LTBP1: variants seen among roughly 807,000 people sequenced by gnomAD.
LTBP1 encodes latent-transforming growth factor beta-binding protein 1.
In LTBP1, 129 loss-of-function variants were observed where a neutral mutation model predicts 207.6. That is an observed-to-expected ratio of 0.62 (90% confidence interval 0.54 to 0.72). The LOEUF (loss-of-function observed/expected upper bound fraction) is 0.72, where lower values mean the gene tolerates loss of function less well. Among genes scored for constraint, LTBP1 ranks in the 30% least tolerant of loss-of-function variants. The pLI, the probability that LTBP1 is intolerant of heterozygous loss-of-function variation, is 0.00. For missense variants in LTBP1, 2,281 were observed against 2,217.2 expected, an observed-to-expected ratio of 1.03 and a Z score of -0.58; for synonymous variants, 963 against 833.7, an observed-to-expected ratio of 1.16 and a Z score of -2.67.
chr2:33,081,858 T>C (rs1298019289), intron 3 of LTBP1, among the ~76,000 whole-genome samples: 1 of 152,132 alleles, frequency 6.6e-6, no homozygotes, highest in Non-Finnish European at 1.5e-5. Context: ...GCTTTTCCCC[T>C]CTGTGCTCGG....
At chr2:33,096,000 G>A (rs2079364778) in intron 3 of LTBP1, among the ~76,000 whole-genome samples, 1 of 152,010 alleles carries the variant, frequency 6.6e-6, no homozygotes, top group Non-Finnish European at 1.5e-5. Context: ...CAGATTAGGT[G>A]AAAAACATAA....
At chr2:33,107,361 C>T (rs1334930840) in intron 3 of LTBP1, among the ~76,000 whole-genome samples, 3 of 152,066 alleles carry the variant, frequency 2.0e-5, no homozygotes, top group Admixed American at 6.6e-5. Context: ...CAGGGTTTCT[C>T]GGTGCACTTT....
At chr2:33,229,646 AT>A (rs2149531902) in intron 9 of LTBP1, among the ~76,000 whole-genome samples, 1 of 152,324 alleles carries the variant, frequency 6.6e-6, no homozygotes, top group African/African-American at 2.4e-5. Context: ...TCTATTTTGT[AT>A]GTTAGAATGG....
At chr2:33,179,465 AC>A (rs1480835820) in intron 5 of LTBP1, among the ~76,000 whole-genome samples, 1 of 151,354 alleles carries the variant, frequency 6.6e-6, no homozygotes, top group African/African-American at 2.5e-5. Context: ...TAAAAAAAAA[AC>A]CAAAGAGATG....
At chr2:33,283,181 T>C (rs2093595475) in intron 19 of LTBP1, among the ~76,000 whole-genome samples, 1 of 151,506 alleles carries the variant, frequency 6.6e-6, no homozygotes, top group Non-Finnish European at 1.5e-5. Flanking sequence ...AAGTACAATA[T>C]ATAGGATGTC....
chr2:33,299,199 G>A (rs912617356), intron 20 of LTBP1, among the ~76,000 whole-genome samples: 4 of 149,078 alleles, frequency 2.7e-5, no homozygotes, highest in Non-Finnish European at 5.9e-5. Context: ...CCGAGATAGC[G>A]CCACTGCACT....
At chr2:33,174,441 A>G (rs1238109630) in intron 5 of LTBP1, among the ~76,000 whole-genome samples, 1 of 152,188 alleles carries the variant, frequency 6.6e-6, no homozygotes, top group East Asian at 1.9e-4. Context: ...TAGGAATCCA[A>G]CTTACAAGGG....
chr2:33,052,851 C>T (rs1001926048), intron 3 of LTBP1, among the ~76,000 whole-genome samples: 24 of 149,924 alleles, frequency 1.6e-4, no homozygotes, highest in Admixed American at 1.2e-3. Flanking sequence ...GGTTGACTCC[C>T]GGATCAAAAT....
chr2:33,064,233 AT>A (rs1233339417), intron 3 of LTBP1, among the ~76,000 whole-genome samples: 1 of 152,246 alleles, frequency 6.6e-6, no homozygotes, highest in African/African-American at 2.4e-5. Context: ...ATAGAAATAC[AT>A]TTAATTTATA....
Position 33,187,098 on chromosome 2 carries a change from C to A in LTBP1, c.1426+18C>A. The A allele has an allele frequency of 6.2e-7, 1 of 1,607,488 alleles. No individual in the cohort carries two copies. Among genetic ancestry groups the A allele is most frequent in the Non-Finnish European group, 8.5e-7 (1 of 1,174,904 alleles). On this transcript the variant is annotated intron_variant, in intron 6 of 33. Transcript: ENST00000404816. ...AGTCAAAGGTAAGCTTTTTTCATTCCGCCCATTTGCCAGACCTCTGTTAAC... is the reference window on the plus strand; with the variant it reads ...AGTCAAAGGTAAGCTTTTTTCATTCAGCCCATTTGCCAGACCTCTGTTAAC...
At chr2:33,331,791 C>A (rs1285658417) in intron 24 of LTBP1, among the ~76,000 whole-genome samples, 1 of 152,036 alleles carries the variant, frequency 6.6e-6, no homozygotes, top group African/African-American at 2.4e-5. Context: ...TGTAAGAAAA[C>A]TACATGTATG....
At chr2:33,220,003 G>C (rs1255621436) in intron 8 of LTBP1, among the ~76,000 whole-genome samples, 4 of 152,116 alleles carry the variant, frequency 2.6e-5, no homozygotes, top group African/African-American at 9.7e-5. Context: ...AGTTGAATGT[G>C]AAAGTGCAAA....
chr2:32,999,345 G>C (rs1175966772), intron 2 of LTBP1, among the ~76,000 whole-genome samples: 1 of 152,192 alleles, frequency 6.6e-6, no homozygotes, highest in Admixed American at 6.5e-5. Context: ...CCAAGGCCTT[G>C]CCTCCATCCA....
At chr2:32,984,960 A>AAAACAAAACC (rs1683321725) in intron 2 of LTBP1, among the ~76,000 whole-genome samples, 1 of 152,014 alleles carries the variant, frequency 6.6e-6, no homozygotes, top group South Asian at 2.1e-4. Context: ...AAAACAAAAC[A>AAAACAAAACC]AAACCAGTTA....
intron 5 of LTBP1, among the ~76,000 whole-genome samples, chr2:33,158,237 A>C (rs1438315910): frequency 2.6e-5 from 4 of 152,204 alleles, no homozygotes; most frequent in Non-Finnish European, 5.9e-5. Flanking sequence ...TGTTCAACAA[A>C]AGAATGAATA....
At chr2:32,978,666 A>AT (rs375742867) in intron 2 of LTBP1, among the ~76,000 whole-genome samples, 14,575 of 115,606 alleles carry the variant, frequency 0.13, 967 homozygotes, top group Non-Finnish European at 0.17. Flanking sequence ...TTTTTTTTTA[A>AT]TTTTTTTTTT....
intron 25 of LTBP1, 91 bp downstream of exon 25, chr2:33,343,054 T>C: frequency 7.3e-7 from 1 of 1,379,198 alleles, no homozygotes; most frequent in South Asian, 1.5e-5. Flanking sequence ...GCAGGTAATT[T>C]GGGTAGAGCT....
At chr2:33,200,464 C>G (rs539964306) in intron 7 of LTBP1, among the ~76,000 whole-genome samples, 3 of 152,158 alleles carry the variant, frequency 2.0e-5, no homozygotes, top group East Asian at 1.9e-4. Flanking sequence ...ATACCTTATA[C>G]AAAAATTAAT....
intron 2 of LTBP1, among the ~76,000 whole-genome samples, chr2:32,953,356 T>TA (rs1178491119): frequency 6.6e-6 from 1 of 152,164 alleles, no homozygotes; most frequent in African/African-American, 2.4e-5. Flanking sequence ...TGATTATATA[T>TA]TTTTTTGTAT....
Sources: allele counts gnomAD v4.1 joint callset (sites outside exome capture counted in the v4.1 genomes callset), GRCh38; gene constraint gnomAD v4.1.1; transcripts MANE v1.5; gene names NCBI Gene and HGNC (gene_info 2026-07-23, HGNC 2026-07-21).